The following ARL5A variants were observed in gnomAD, a reference collection of about 807,000 sequenced individuals.
ARL5A encodes ADP-ribosylation factor-like protein 5A.
A neutral mutation model predicts 25.9 loss-of-function variants in ARL5A; 18 were observed. The ratio of observed to expected loss-of-function variants is 0.69; its 90% CI spans 0.48 to 1.03. The LOEUF (loss-of-function observed/expected upper bound fraction) is 1.03, where lower values mean the gene tolerates loss of function less well. Ranked by LOEUF, ARL5A falls within the 50% of genes least tolerant of loss-of-function variation. The pLI is 0.00. For synonymous variants in ARL5A, 61 were observed against 67.5 expected, an observed-to-expected ratio of 0.90 and a Z score of 0.47; for missense variants, 170 against 211.9, an observed-to-expected ratio of 0.80 and a Z score of 1.23.
At chr2:151,816,630 T>C (rs1489501186) in intron 1 of ARL5A, among the ~76,000 whole-genome samples, 2 of 152,184 alleles carry the variant, frequency 1.3e-5, no homozygotes, top group Non-Finnish European at 2.9e-5. Context: ...CAGGGTTGTT[T>C]AACAATTAAA....
intron 4 of ARL5A, among the ~76,000 whole-genome samples, chr2:151,808,053 A>C (rs1220076028): frequency 1.3e-5 from 2 of 152,188 alleles, no homozygotes; most frequent in African/African-American, 4.8e-5. Context: ...TTTCCCCCCA[A>C]AACACACATA....
At chr2:151,818,267 T>A (rs2099831788) in intron 1 of ARL5A, among the ~76,000 whole-genome samples, 1 of 152,124 alleles carries the variant, frequency 6.6e-6, no homozygotes, top group African/African-American at 2.4e-5. Context: ...CAGGCTGCAA[T>A]GACTGATGTG....
chr2:151,799,825 T>C lies in ARL5A; in HGVS notation c.*3451A>G, dbSNP rs1037716312. ...CCACTGGTTTGGAAACCATTGTCTA[T>C]AACAATAGTTACAAAGAAAGTTTAG... On this transcript the variant is annotated 3_prime_UTR_variant, in exon 6 of 6. Coordinates refer to ENST00000295087, the MANE Select transcript of ARL5A (RefSeq NM_012097.4). 1 of 152,174 alleles carries C rather than the reference T, an allele frequency of 6.6e-6. No individual in the cohort carries two copies. The highest frequency in any genetic ancestry group is 1.5e-5 in the Non-Finnish European group (1 of 68,026). 9.4% of individuals were successfully genotyped at this position (152,174 alleles called of 1,614,324 possible). A position where few individuals can be genotyped will look rare whatever the true frequency, so the allele number is the denominator to read the frequency against.
At position 151,814,200 on chromosome 2, in the gene ARL5A, G is replaced by A. The variant is rs781125420; in HGVS notation, c.224C>T (p.Ser75Phe). Residue 75 changes from serine to phenylalanine, a missense_variant, in exon 3 of 6, where the codon TCT (serine) becomes TTT (phenylalanine). By Grantham distance (155) the Ser-to-Phe change is radical (BLOSUM62 -2). Transcript: ENST00000295087. ...WDIGGQESLR[S>F]SWNTYYTNTE... Reference sequence around the variant, plus strand: ...GTTAGTATAGTAAGTGTTCCAGGAAGAACGAAGAGATTCTTGGCCACCAAT... The same window carrying A: ...GTTAGTATAGTAAGTGTTCCAGGAAAAACGAAGAGATTCTTGGCCACCAAT... 1.0e-5 allele frequency: 16 copies of A among 1,605,892 alleles called. No homozygotes were observed. Among genetic ancestry groups the A allele is most frequent in the Middle Eastern group, 2.1e-4 (1 of 4,690 alleles).
At chr2:151,820,660 CAAAAAAAAAAA>C (rs71410438) in intron 1 of ARL5A, among the ~76,000 whole-genome samples, 2 of 45,062 alleles carry the variant, frequency 4.4e-5, no homozygotes, top group South Asian at 1.5e-3. Flanking sequence ...ATCCTGTCTC[CAAAAAAAAAAA>C]AAAAAAAAAA....
chr2:151,811,482 A>G (rs2099830835), intron 4 of ARL5A, among the ~76,000 whole-genome samples: 1 of 152,068 alleles, frequency 6.6e-6, no homozygotes, highest in Admixed American at 6.5e-5. Context: ...CAAGTTGACT[A>G]TATTATTCAG....
chr2:151,806,924 TAA>T lies in ARL5A; in HGVS notation c.386_387del (p.Val129GlufsTer19). ...ATTTCTGCTACAGTCATGCATTCTTTAACATCTTGTTTATTAGCAAAAATCAG... is the reference window on the plus strand; with the variant it reads ...ATTTCTGCTACAGTCATGCATTCTTTCATCTTGTTTATTAGCAAAAATCAG... ...GLLIFANKQD[V>X]KECMTVAEIS... On this transcript the variant is annotated frameshift_variant, in exon 5 of 6. Transcript: ENST00000295087. LOFTEE classifies it high-confidence loss of function. The T allele has an allele frequency of 6.2e-7, 1 of 1,612,892 alleles. No individual in the cohort carries two copies. Among genetic ancestry groups the T allele is most frequent in the Non-Finnish European group, 8.5e-7 (1 of 1,179,524 alleles).
intron 3 of ARL5A, among the ~76,000 whole-genome samples, chr2:151,813,499 G>A (rs958014681): frequency 6.6e-6 from 1 of 152,088 alleles, no homozygotes; most frequent in African/African-American, 2.4e-5. Context: ...ATGATTAAAT[G>A]CCTAATGCAG....
intron 1 of ARL5A, among the ~76,000 whole-genome samples, chr2:151,824,531 G>C (rs1440249704): frequency 2.0e-5 from 3 of 150,688 alleles, no homozygotes; most frequent in Non-Finnish European, 4.4e-5. Flanking sequence ...AGAAACAGAG[G>C]TGGCTTCCTC....
chr2:151,809,105 A>G (rs1038595328), intron 4 of ARL5A, among the ~76,000 whole-genome samples: 11 of 152,156 alleles, frequency 7.2e-5, no homozygotes, highest in African/African-American at 2.7e-4. Context: ...CAATAAGTAG[A>G]TGGACTTTCC....
Position 151,803,077 on chromosome 2 carries a change from T to C in ARL5A, c.*199A>G, listed in dbSNP as rs1257023997. 5.7e-6 allele frequency: 3 copies of C among 527,742 alleles called. No homozygotes were observed. The highest frequency in any genetic ancestry group is 2.0e-5 in the African/African-American group (1 of 50,836). The allele number at this position is 527,742 out of a possible 1,614,324, so 32.7% of individuals were successfully genotyped here. A position where few individuals can be genotyped will look rare whatever the true frequency, so the allele number is the denominator to read the frequency against. On this transcript the variant is annotated 3_prime_UTR_variant, in exon 6 of 6. Transcript: ENST00000295087. Reference sequence around the variant, plus strand: ...TCAATCACAGCTTCAATAACTTACTTTGGAAAAAACTAATGAGAAAGCAAA... The same window carrying C: ...TCAATCACAGCTTCAATAACTTACTCTGGAAAAAACTAATGAGAAAGCAAA...
intron 1 of ARL5A, among the ~76,000 whole-genome samples, chr2:151,815,868 T>C (rs564347763): frequency 3.3e-5 from 5 of 152,208 alleles, no homozygotes; most frequent in Admixed American, 1.3e-4. Flanking sequence ...GTTCCCCAGA[T>C]GTTTTCTTGC....
In ARL5A at chr2:151,828,239, TGAGGGG is replaced by T; in HGVS notation, c.-69_-64del. 1 of 1,483,974 alleles carries T rather than the reference TGAGGGG, an allele frequency of 6.7e-7. No homozygotes were observed. The highest frequency in any genetic ancestry group is 2.4e-5 in the East Asian group (1 of 42,060). 91.9% of individuals were successfully genotyped at this position (1,483,974 alleles called of 1,614,324 possible). Reference sequence around the variant, plus strand: ...CCGCCTGGCTTCCCCCGGCTCAGGCTGAGGGGGAGGAGAGAGACGCGCTGGAGCCTC... The same window carrying T: ...CCGCCTGGCTTCCCCCGGCTCAGGCTGAGGAGAGAGACGCGCTGGAGCCTC... On this transcript the variant is annotated 5_prime_UTR_variant, in exon 1 of 6. Coordinates refer to ENST00000295087, the MANE Select transcript of ARL5A (RefSeq NM_012097.4).
chr2:151,828,190 A>ACG lies in ARL5A; in HGVS notation c.-15_-14insCG. 2.1e-6 allele frequency: 3 copies of ACG among 1,459,386 alleles called. No homozygotes were observed. Among genetic ancestry groups the ACG allele is most frequent in the Non-Finnish European group, 1.9e-6 (2 of 1,055,796 alleles). The allele number at this position is 1,459,386 out of a possible 1,614,324, so 90.4% of individuals were successfully genotyped here. The stretch of plus-strand genomic sequence containing the variant: ...GAGAATTCCCATTCTCGGGCAGCGG[A>ACG]CCCCCCCCCTCCAGACACCCGGGCC... On this transcript the variant is annotated 5_prime_UTR_variant, in exon 1 of 6. Transcript: ENST00000295087.
In ARL5A at chr2:151,828,167, G is replaced by A. The variant is rs1215342829; in HGVS notation, c.10C>T (p.Leu4Phe). The A allele has an allele frequency of 3.1e-6, 5 of 1,599,174 alleles. No individual in the cohort carries two copies. Among genetic ancestry groups the A allele is most frequent in the Non-Finnish European group, 4.3e-6 (5 of 1,174,236 alleles). MGI[L>F]FTRIWRLFNH... ...AACAGTCTCCATATTCTAGTGAAGA[G>A]AATTCCCATTCTCGGGCAGCGGACC... Residue 4 changes from leucine to phenylalanine, a missense_variant, in exon 1 of 6, where the codon CTC (leucine) becomes TTC (phenylalanine). By Grantham distance (22) the Leu-to-Phe change is conservative (BLOSUM62 0). Transcript: ENST00000295087.
rs571861244 is a variant in ARL5A at position 151,799,597 on chromosome 2, T to A, written c.*3679A>T. The A allele has an allele frequency of 6.6e-6, 1 of 152,220 alleles. No homozygotes were observed. Among genetic ancestry groups the A allele is most frequent in the African/African-American group, 2.4e-5 (1 of 41,456 alleles). 9.4% of individuals were successfully genotyped at this position (152,220 alleles called of 1,614,324 possible). A position where few individuals can be genotyped will look rare whatever the true frequency, so the allele number is the denominator to read the frequency against. ...ATCTTTCTGAATCTACTTCCCAACA[T>A]GTGAAGTTAAATTAAGAAGCATGAA... On this transcript the variant is annotated 3_prime_UTR_variant, in exon 6 of 6. Coordinates refer to ENST00000295087, the MANE Select transcript of ARL5A (RefSeq NM_012097.4).
In ARL5A at chr2:151,815,285, C is replaced by G. The variant is rs2272126; in HGVS notation, c.47-86G>C. 50 of 1,078,552 alleles carry G rather than the reference C, an allele frequency of 4.6e-5. 1 individual carries two copies. The East Asian group carries it at 1.2e-3, about 27-fold the overall frequency. 66.8% of individuals were successfully genotyped at this position (1,078,552 alleles called of 1,614,324 possible). A position where few individuals can be genotyped will look rare whatever the true frequency, so the allele number is the denominator to read the frequency against. ...AGGAAAAAATATACTCTGTATCTCA[C>G]CCTTCTATCTATGGCATAATTCAGT... On this transcript the variant is annotated intron_variant, in intron 1 of 5. Coordinates refer to ENST00000295087, the MANE Select transcript of ARL5A (RefSeq NM_012097.4).
chr2:151,825,378 C>T (rs1360470063), intron 1 of ARL5A, among the ~76,000 whole-genome samples: 3 of 152,224 alleles, frequency 2.0e-5, no homozygotes, highest in African/African-American at 7.2e-5. Flanking sequence ...CTGGCATATA[C>T]CAGTTGCATG....
At position 151,802,060 on chromosome 2, in the gene ARL5A, C is replaced by T. The variant is rs993910074; in HGVS notation, c.*1216G>A. The T allele has an allele frequency of 6.6e-6, 1 of 152,044 alleles. No individual in the cohort carries two copies. The highest frequency in any genetic ancestry group is 2.4e-5 in the African/African-American group (1 of 41,428). 9.4% of individuals were successfully genotyped at this position (152,044 alleles called of 1,614,324 possible). A position where few individuals can be genotyped will look rare whatever the true frequency, so the allele number is the denominator to read the frequency against. ...CAAATTCTTAAAATCATTCAAAAAA[C>T]ACTTGCATTTTATAATTGTCAATGC... On this transcript the variant is annotated 3_prime_UTR_variant, in exon 6 of 6. Transcript: ENST00000295087.
Sources: allele counts gnomAD v4.1 joint callset (sites outside exome capture counted in the v4.1 genomes callset), GRCh38; gene constraint gnomAD v4.1.1; transcripts MANE v1.5; gene names NCBI Gene and HGNC (gene_info 2026-07-23, HGNC 2026-07-21).